Variants in NEK1 observed in about 807,000 individuals in gnomAD.
The protein encoded by NEK1 is serine/threonine-protein kinase Nek1.
In NEK1, 137 loss-of-function variants were observed where a neutral mutation model predicts 182.1. The ratio of observed to expected loss-of-function variants is 0.75; its 90% CI spans 0.65 to 0.87. The LOEUF (loss-of-function observed/expected upper bound fraction) is 0.87. Ranked by LOEUF, NEK1 falls within the 40% of genes least tolerant of loss-of-function variation. The pLI, the probability that NEK1 is intolerant of heterozygous loss-of-function variation, is 0.00. For synonymous variants in NEK1, 513 were observed against 492.2 expected (o/e 1.04, Z -0.56); for missense variants, 1,391 against 1,494.4 (o/e 0.93, Z 1.14).
At chr4:169,404,590 A>T (rs1395412742) in intron 32 of NEK1, among the ~76,000 whole-genome samples, 2 of 152,132 alleles carry the variant, frequency 1.3e-5, no homozygotes, top group Non-Finnish European at 2.9e-5. Context: ...TACAAAATAA[A>T]TTATAAAAAT....
At chr4:169,546,917 A>C (rs1760567426) in intron 18 of NEK1, among the ~76,000 whole-genome samples, 1 of 151,898 alleles carries the variant, frequency 6.6e-6, no homozygotes, top group Non-Finnish European at 1.5e-5. Context: ...ATGGGTCTTG[A>C]CTCTTTATCC....
chr4:169,408,666 CTT>C (rs1187129119), intron 31 of NEK1, among the ~76,000 whole-genome samples: 3 of 152,154 alleles, frequency 2.0e-5, no homozygotes, highest in African/African-American at 7.2e-5. Context: ...TTACATCACT[CTT>C]ATGCCTTTGG....
rs1276777892 is a variant in NEK1 at position 169,453,865 on chromosome 4, C to T, written c.2587+9378G>A. Among the ~76,000 whole-genome samples the T allele has an allele frequency of 2.6e-5, 4 of 152,292 alleles. No homozygotes were observed. In the East Asian group the frequency reaches 7.7e-4, roughly 29 times the overall value. ...TTTCCCACTTCACACCTCTATATTC[C>T]TGTGTGTGTCTTTAATTCCTCTAGT... On this transcript the variant is annotated intron_variant, in intron 27 of 35. Coordinates refer to ENST00000507142, the MANE Select transcript of NEK1 (RefSeq NM_001199397.3).
At chr4:169,571,895 A>ATTTTTTT (rs57480182) in intron 12 of NEK1, among the ~76,000 whole-genome samples, 4 of 137,206 alleles carry the variant, frequency 2.9e-5, no homozygotes, top group Non-Finnish European at 3.1e-5. Flanking sequence ...TGCCCAGCTA[A>ATTTTTTT]TTTTTTTTTT....
At chr4:169,581,175 G>A (rs949092596) in intron 10 of NEK1, among the ~76,000 whole-genome samples, 6 of 151,356 alleles carry the variant, frequency 4.0e-5, no homozygotes, top group Admixed American at 1.3e-4. Flanking sequence ...GTGAGATCTC[G>A]TCTCTATTTT....
At chr4:169,537,197 A>G (rs908891625) in intron 19 of NEK1, among the ~76,000 whole-genome samples, 1 of 152,208 alleles carries the variant, frequency 6.6e-6, no homozygotes, top group Non-Finnish European at 1.5e-5. Flanking sequence ...AAATCAAACT[A>G]TGAAGAGTTT....
At chr4:169,499,174 C>T (rs188861548) in intron 23 of NEK1, among the ~76,000 whole-genome samples, 22 of 152,300 alleles carry the variant, frequency 1.4e-4, no homozygotes, top group Non-Finnish European at 3.1e-4. Flanking sequence ...ACTGATACCC[C>T]TTCTTCCAGT....
chr4:169,510,085 CTT>C (rs962935142), intron 19 of NEK1, among the ~76,000 whole-genome samples: 5 of 152,114 alleles, frequency 3.3e-5, no homozygotes. Context: ...GGCACTCTCT[CTT>C]GGGTTCTTTC....
chr4:169,411,640 T>C (rs1444693535), intron 31 of NEK1, among the ~76,000 whole-genome samples: 1 of 152,232 alleles, frequency 6.6e-6, no homozygotes, highest in African/African-American at 2.4e-5. Flanking sequence ...CTGACTTTTA[T>C]GTCATTTTAA....
intron 31 of NEK1, among the ~76,000 whole-genome samples, chr4:169,409,498 C>T (rs1354000975): frequency 1.3e-5 from 2 of 149,888 alleles, no homozygotes; most frequent in African/African-American, 4.9e-5. Flanking sequence ...GGTGCAGTGG[C>T]TCACTCACAC....
intron 31 of NEK1, among the ~76,000 whole-genome samples, chr4:169,410,949 G>T (rs986168666): frequency 2.6e-5 from 4 of 152,212 alleles, no homozygotes; most frequent in Non-Finnish European, 5.9e-5. Context: ...ACAGTAAAGT[G>T]TGTGTCCTTC....
At chr4:169,564,400 T>C (rs1008872936) in intron 12 of NEK1, among the ~76,000 whole-genome samples, 1 of 152,120 alleles carries the variant, frequency 6.6e-6, no homozygotes, top group Non-Finnish European at 1.5e-5. Context: ...AATTCCATTT[T>C]AACAGCAGCT....
At chr4:169,494,290 TTCCTGTG>T (rs1157015570) in intron 23 of NEK1, among the ~76,000 whole-genome samples, 1 of 152,108 alleles carries the variant, frequency 6.6e-6, no homozygotes, top group Non-Finnish European at 1.5e-5. Flanking sequence ...GATGTTCCCC[TTCCTGTG>T]TCCATGTGTT....
At chr4:169,577,371 A>T (rs975867102) in intron 11 of NEK1, among the ~76,000 whole-genome samples, 1 of 152,174 alleles carries the variant, frequency 6.6e-6, no homozygotes, top group Non-Finnish European at 1.5e-5. Context: ...CGTATCGGTG[A>T]ATATACTAAA....
At chr4:169,430,693 G>C (rs1737259821) in intron 29 of NEK1, among the ~76,000 whole-genome samples, 1 of 152,158 alleles carries the variant, frequency 6.6e-6, no homozygotes, top group Non-Finnish European at 1.5e-5. Flanking sequence ...TTACACATTT[G>C]TCAAAACTTG....
intron 31 of NEK1, among the ~76,000 whole-genome samples, chr4:169,409,156 T>C (rs1332419751): frequency 1.3e-5 from 2 of 151,894 alleles, no homozygotes; most frequent in Non-Finnish European, 2.9e-5. Flanking sequence ...ATTGTTTTTC[T>C]TTTTTTTGAG....
chr4:169,562,830 T>C (rs1408458749), intron 12 of NEK1, among the ~76,000 whole-genome samples: 1 of 152,180 alleles, frequency 6.6e-6, no homozygotes, highest in African/African-American at 2.4e-5. Flanking sequence ...ATGGTATATA[T>C]TAGATATTTA....
chr4:169,435,486 C>T (rs765752996), intron 28 of NEK1, among the ~76,000 whole-genome samples: 30 of 152,110 alleles, frequency 2.0e-4, no homozygotes, highest in Non-Finnish European at 4.3e-4. Flanking sequence ...TAAGGATGGT[C>T]ACATTTTGCA....
intron 24 of NEK1, 102 bp downstream of exon 24, chr4:169,479,301 A>C: frequency 2.3e-5 from 29 of 1,241,750 alleles, no homozygotes; most frequent in Non-Finnish European, 3.0e-5. Context: ...TTCCTTAGAA[A>C]AACCTGAAAG....
Sources: gnomAD v4.1 joint callset for allele counts (sites outside exome capture counted in the v4.1 genomes callset) on GRCh38, gnomAD v4.1.1 for gene constraint, MANE v1.5 for transcripts, NCBI Gene and HGNC (gene_info 2026-07-23, HGNC 2026-07-21) for gene names.